SMC4: variants seen among roughly 807,000 people sequenced by gnomAD.
The protein encoded by SMC4 is structural maintenance of chromosomes 4.
Under a neutral mutation model 145.6 loss-of-function variants are expected in SMC4, and 87 were observed. That is an observed-to-expected ratio of 0.60 (90% CI 0.50 to 0.71). The LOEUF (loss-of-function observed/expected upper bound fraction) is 0.71. Among genes scored for constraint, SMC4 ranks in the 30% least tolerant of loss-of-function variants. The probability of loss-of-function intolerance (pLI) is 0.00; values close to 1 mark genes in which losing one functional copy is unlikely to be tolerated. For synonymous variants in SMC4, 558 were observed against 500.7 expected (o/e 1.11, Z -1.53); for missense variants, 1,447 against 1,537.1 (o/e 0.94, Z 0.98).
chr3:160,416,139 T>A (rs1480900282), intron 9 of SMC4, 112 bp from the exon 10 acceptor site: 12 of 622,704 alleles, frequency 1.9e-5, no homozygotes, highest in Admixed American at 7.3e-5. Flanking sequence ...ACTCTGATTA[T>A]AAAGAAAAGA....
chr3:160,403,621 T>G (rs1297691792), intron 4 of SMC4, among the ~76,000 whole-genome samples: 1 of 152,124 alleles, frequency 6.6e-6, no homozygotes, highest in Non-Finnish European at 1.5e-5. Context: ...TTGGTTTCTT[T>G]TGTGCTTTCT....
intron 8 of SMC4, 38 bp from the exon 9 acceptor site, chr3:160,414,329 A>G (rs1296040941): frequency 6.6e-7 from 1 of 1,526,096 alleles, no homozygotes; most frequent in Admixed American, 1.7e-5. Context: ...ATATGTGCAC[A>G]TTCAAAATAA....
At chr3:160,416,625 AGTAGTAGCAGAAGGTGT>A (rs1447469244) in intron 10 of SMC4, 2 of 315,916 alleles carry the variant, frequency 6.3e-6, no homozygotes, top group Non-Finnish European at 1.2e-5. Flanking sequence ...GAGAGTTTGT[AGTAGTAGCAGAAGGTGT>A]GATGTCAAAT....
chr3:160,412,219 G>A, intron 6 of SMC4, 107 bp from the exon 7 acceptor site: 1 of 1,416,558 alleles, frequency 7.1e-7, no homozygotes, highest in East Asian at 2.4e-5. Context: ...TAACATTTAA[G>A]ATGAACATTC....
chr3:160,412,722 C>T (rs766344025), intron 7 of SMC4: 25 of 757,168 alleles, frequency 3.3e-5, no homozygotes, highest in Non-Finnish European at 3.8e-5. Context: ...ATGTGGTGAA[C>T]TTATCCAATG....
intron 2 of SMC4, 120 bp downstream of exon 2, chr3:160,401,085 G>A (rs376513496): frequency 7.7e-5 from 97 of 1,261,476 alleles, no homozygotes; most frequent in East Asian, 7.3e-4. Flanking sequence ...GTCCGGTGTC[G>A]GTCCGGTAGA....
At chr3:160,432,197 G>A (rs539686089) in intron 21 of SMC4, 86 bp from the exon 22 acceptor site, 121 of 1,088,954 alleles carry the variant, frequency 1.1e-4, no homozygotes, top group South Asian at 3.1e-4. Flanking sequence ...GCAAGACTAC[G>A]TCTCAAAACA....
At chr3:160,430,787 A>G in intron 19 of SMC4, 44 bp downstream of exon 19, 1 of 1,570,908 alleles carries the variant, frequency 6.4e-7, no homozygotes, top group Non-Finnish European at 8.6e-7. Flanking sequence ...ATGATACTGG[A>G]ACCAATTTAA....
intron 1 of SMC4, 26 bp downstream of exon 1, chr3:160,399,775 GT>G (rs1434085235): frequency 1.3e-5 from 2 of 152,502 alleles, no homozygotes. Context: ...TCCTGGTCAG[GT>G]TGTCACGCTC....
chr3:160,423,359 G>GT (rs372679543), intron 13 of SMC4, 66 bp from the exon 14 acceptor site: 21,962 of 386,406 alleles, frequency 0.057, 137 homozygotes, highest in African/African-American at 0.11. Flanking sequence ...GTTTTTTTTT[G>GT]TTTTTTTTTT....
chr3:160,405,974 A>T (rs940503799), intron 5 of SMC4, among the ~76,000 whole-genome samples: 5 of 152,068 alleles, frequency 3.3e-5, no homozygotes, highest in Non-Finnish European at 7.4e-5. Flanking sequence ...TTATCCAAAG[A>T]TTCATCAAAA....
chr3:160,421,882 G>A (rs768878252), intron 13 of SMC4, among the ~76,000 whole-genome samples: 1 of 152,020 alleles, frequency 6.6e-6, no homozygotes. Flanking sequence ...AGTAACAGTC[G>A]CTCCCTATAC....
chr3:160,423,457 T>A lies in SMC4; in HGVS notation c.2052T>A (p.Ile684=). 6.2e-7 allele frequency: 1 copy of A among 1,608,140 alleles called. No homozygotes were observed. Among genetic ancestry groups the A allele is most frequent in the Non-Finnish European group, 8.5e-7 (1 of 1,175,984 alleles). Residue 684 remains isoleucine (I), a synonymous_variant, in exon 14 of 24, where the codon ATT becomes ATA. Coordinates refer to ENST00000357388, the MANE Select transcript of SMC4 (RefSeq NM_001002800.3). ...MAVWAKKMTE[I]QTPENTPRLF... ...TATGGGCGAAAAAGATGACCGAAAT[T>A]CAAACTCCTGAAAATACTCCTCGTT... is the stretch of plus-strand genomic sequence containing the variant.
In SMC4 at chr3:160,412,366, TAGA is replaced by T; in HGVS notation, c.896_898del (p.Glu299del). 1.2e-6 allele frequency: 2 copies of T among 1,604,492 alleles called. No individual in the cohort carries two copies. Among genetic ancestry groups the T allele is most frequent in the Non-Finnish European group, 1.7e-6 (2 of 1,171,794 alleles). On this transcript the variant is annotated inframe_deletion, in exon 7 of 24. Transcript: ENST00000357388. ...ATGGTGGAAAAGGAAAAGGATGCCTTAGAAGGAGAGAAAAACATAGCTATCGAA... is the reference window on the plus strand; with the variant it reads ...ATGGTGGAAAAGGAAAAGGATGCCTTAGGAGAGAAAAACATAGCTATCGAA...
chr3:160,420,712 CT>C, intron 12 of SMC4, 27 bp from the exon 13 acceptor site: 2 of 1,603,890 alleles, frequency 1.2e-6, no homozygotes, highest in South Asian at 2.3e-5. Flanking sequence ...CTGCCTAACT[CT>C]TTTTTCACCC....
At chr3:160,421,207 G>C (rs1717140716) in intron 13 of SMC4, among the ~76,000 whole-genome samples, 3 of 152,102 alleles carry the variant, frequency 2.0e-5, no homozygotes, top group Non-Finnish European at 1.5e-5. Context: ...GGGATTACAG[G>C]CGTGAGCCAC....
intron 11 of SMC4, among the ~76,000 whole-genome samples, chr3:160,418,275 A>G (rs1716795365): frequency 6.6e-6 from 1 of 152,252 alleles, no homozygotes; most frequent in Non-Finnish European, 1.5e-5. Flanking sequence ...AAACAAGTGT[A>G]TATGTATTTA....
Position 160,420,704 on chromosome 3 carries a change from G to A in SMC4, c.1858-36G>A, listed in dbSNP as rs1717069009. ...GAATGAAATGGTCCTGTGCTTTTCT[G>A]CCTAACTCTTTTTTCACCCCACTCT... On this transcript the variant is annotated intron_variant, in intron 12 of 23. Coordinates refer to ENST00000357388, the MANE Select transcript of SMC4 (RefSeq NM_001002800.3). The A allele has an allele frequency of 1.9e-6, 3 of 1,601,420 alleles. No homozygotes were observed. In the East Asian group the frequency reaches 6.7e-5, roughly 36 times the overall value.
intron 12 of SMC4, among the ~76,000 whole-genome samples, chr3:160,420,291 C>G (rs780410961): frequency 1.5e-4 from 23 of 152,198 alleles, no homozygotes; most frequent in Non-Finnish European, 3.1e-4. Flanking sequence ...GCTTCTGCAT[C>G]TTGTATCGGG....
Sources: allele counts gnomAD v4.1 joint callset (sites outside exome capture counted in the v4.1 genomes callset), GRCh38; gene constraint gnomAD v4.1.1; transcripts MANE v1.5; gene names NCBI Gene and HGNC (gene_info 2026-07-23, HGNC 2026-07-21).